Variants in ANKRD28 observed in about 807,000 individuals in gnomAD.
ANKRD28 encodes the protein serine/threonine-protein phosphatase 6 regulatory ankyrin repeat subunit A.
In ANKRD28, 44 loss-of-function variants were observed where a neutral mutation model predicts 126.5. That is an observed-to-expected ratio of 0.35 (90% confidence interval 0.27 to 0.45). The LOEUF (loss-of-function observed/expected upper bound fraction) is 0.45, where lower values mean the gene tolerates loss of function less well. Among genes scored for constraint, ANKRD28 ranks in the 20% least tolerant of loss-of-function variants. The probability of loss-of-function intolerance (pLI) is 1.00; values close to 1 mark genes in which losing one functional copy is unlikely to be tolerated. For synonymous variants in ANKRD28, 442 were observed against 468.5 expected (o/e 0.94, Z 0.73); for missense variants, 1,110 against 1,316.6 (o/e 0.84, Z 2.43).
intron 2 of ANKRD28, among the ~76,000 whole-genome samples, chr3:15,771,541 A>T (rs917850927): frequency 6.6e-6 from 1 of 152,106 alleles, no homozygotes; most frequent in Non-Finnish European, 1.5e-5. Context: ...GAGAGAGAAG[A>T]GGGGGTGCCA....
intron 9 of ANKRD28, 131 bp downstream of exon 9, chr3:15,714,447 T>A: frequency 3.0e-6 from 2 of 668,548 alleles, no homozygotes. Context: ...TTTCATGAGC[T>A]CTGAAATCAT....
chr3:15,716,281 CTTTT>C (rs373633047), intron 8 of ANKRD28, among the ~76,000 whole-genome samples: 1 of 113,672 alleles, frequency 8.8e-6, no homozygotes. Context: ...CGCACCTGGA[CTTTT>C]TTTTTTTTTT....
At chr3:15,787,351 A>T (rs940530802) in intron 2 of ANKRD28, among the ~76,000 whole-genome samples, 1 of 152,168 alleles carries the variant, frequency 6.6e-6, no homozygotes, top group East Asian at 1.9e-4. Flanking sequence ...TTGGTTATGG[A>T]TCTTGGGAGA....
intron 18 of ANKRD28, 86 bp downstream of exon 18, chr3:15,689,933 A>C (rs561440659): frequency 7.8e-7 from 1 of 1,274,046 alleles, no homozygotes; most frequent in South Asian, 1.6e-5. Context: ...TTTTAAAGAC[A>C]ATTAACTGGA....
chr3:15,710,361 T>G (rs1254803724), intron 12 of ANKRD28, among the ~76,000 whole-genome samples: 4 of 152,224 alleles, frequency 2.6e-5, no homozygotes, highest in Non-Finnish European at 5.9e-5. Context: ...AACTGTCAAG[T>G]GATCAGACAC....
At chr3:15,801,358 A>G (rs1172425500), upstream of ANKRD28, among the ~76,000 whole-genome samples, 4 of 152,148 alleles carry the variant, frequency 2.6e-5, no homozygotes, top group Non-Finnish European at 5.9e-5. The surrounding 1 kb of genome is among the most constrained non-coding windows in gnomAD (Gnocchi z 4.9). Flanking sequence ...CCTTTCTGCA[A>G]CAAGATCCAA....
At chr3:15,829,681 A>T (rs1389382520) in intron 1 of ANKRD28, among the ~76,000 whole-genome samples, 1 of 152,170 alleles carries the variant, frequency 6.6e-6, no homozygotes, top group East Asian at 1.9e-4. Context: ...TAATATTACT[A>T]CCAAAGCCAC....
At chr3:15,728,440 C>G (rs2074349186) in intron 6 of ANKRD28, among the ~76,000 whole-genome samples, 1 of 152,118 alleles carries the variant, frequency 6.6e-6, no homozygotes, top group South Asian at 2.1e-4. Context: ...ACTACAGATG[C>G]ATGCCACCAC....
chr3:15,778,785 T>C (rs1466839377), intron 2 of ANKRD28, among the ~76,000 whole-genome samples: 1 of 152,200 alleles, frequency 6.6e-6, no homozygotes, highest in African/African-American at 2.4e-5. Context: ...TGGCTCTGTA[T>C]CCCTACCCAA....
intron 18 of ANKRD28, among the ~76,000 whole-genome samples, chr3:15,688,749 C>T (rs960610034): frequency 2.6e-5 from 4 of 152,198 alleles, no homozygotes; most frequent in Admixed American, 6.5e-5. Context: ...GCCAGTGATA[C>T]GCAGTGGGTA....
chr3:15,713,513 C>T lies in ANKRD28; in HGVS notation c.1190+14G>A, dbSNP rs376164709. On this transcript the variant is annotated intron_variant, in intron 10 of 27. Coordinates refer to ENST00000683139, the MANE Select transcript of ANKRD28 (RefSeq NM_001349278.2). ...TTGCCTGTATCAGTTATCAACACCT[C>T]GGTAAGTACTTACTTTGCAGTGTCA... 2.4e-5 allele frequency: 38 copies of T among 1,601,074 alleles called. No individual in the cohort carries two copies. The highest frequency in any genetic ancestry group is 4.0e-5 in the African/African-American group (3 of 74,258).
At chr3:15,788,600 T>C (rs1420755335) in intron 2 of ANKRD28, among the ~76,000 whole-genome samples, 2 of 151,958 alleles carry the variant, frequency 1.3e-5, no homozygotes, top group African/African-American at 4.8e-5. Context: ...TTAATACTCT[T>C]AATAAAAAAT....
Position 15,817,958 on chromosome 3 carries a change from A to G in ANKRD28, c.28-22652T>C, listed in dbSNP as rs1288177688. 1.3e-5 allele frequency among the ~76,000 whole-genome samples: 2 copies of G among 152,214 alleles called. No individual in the cohort carries two copies. Among genetic ancestry groups the G allele is most frequent in the Non-Finnish European group, 2.9e-5 (2 of 68,040 alleles). ...ATTACCATTGCTGTTTCTACATACT[A>G]CCAATGAACAACTGGAAATCAAAAC... On this transcript the variant is annotated intron_variant, in intron 1 of 27. Coordinates refer to the ANKRD28 transcript ENST00000399451. This position sits in a 1 kb window ranked among gnomAD's most constrained non-coding sequence, Gnocchi z 4.5.
intron 5 of ANKRD28, 32 bp from the exon 6 acceptor site, chr3:15,735,529 A>C: frequency 6.8e-7 from 1 of 1,463,604 alleles, no homozygotes; most frequent in Non-Finnish European, 9.3e-7. Context: ...TGTCATCAAA[A>C]TTGTGAAGCA....
chr3:15,686,550 T>G, intron 18 of ANKRD28: 2 of 510,740 alleles, frequency 3.9e-6, no homozygotes, highest in Non-Finnish European at 7.0e-6. Context: ...ACCCATGCCC[T>G]ATCATCTGCC....
At chr3:15,794,076 A>AATACATAC (rs59495170) in intron 2 of ANKRD28, among the ~76,000 whole-genome samples, 2 of 151,922 alleles carry the variant, frequency 1.3e-5, no homozygotes, top group African/African-American at 4.8e-5. Flanking sequence ...TCTCTAAATA[A>AATACATAC]ATACATACAT....
At chr3:15,685,981 A>C (rs144141033) in intron 20 of ANKRD28, 21 bp downstream of exon 20, 1 of 1,595,180 alleles carries the variant, frequency 6.3e-7, no homozygotes, top group Admixed American at 1.7e-5. Context: ...TTTTGAAAGG[A>C]AAGAGCATAT....
At chr3:15,793,100 A>G (rs966741166) in intron 2 of ANKRD28, among the ~76,000 whole-genome samples, 1 of 152,194 alleles carries the variant, frequency 6.6e-6, no homozygotes, top group African/African-American at 2.4e-5. Context: ...GTTATTCTCC[A>G]AATACTTATT....
intron 14 of ANKRD28, among the ~76,000 whole-genome samples, chr3:15,699,956 T>C (rs1198008182): frequency 2.6e-5 from 4 of 152,198 alleles, no homozygotes. Context: ...TGCGGCACTA[T>C]TTGCAATAGC....
Sources: allele counts gnomAD v4.1 joint callset (sites outside exome capture counted in the v4.1 genomes callset), GRCh38; gene constraint gnomAD v4.1.1; non-coding constraint Gnocchi (gnomAD v3.1); transcripts MANE v1.5; gene names NCBI Gene and HGNC (gene_info 2026-07-23, HGNC 2026-07-21).